RTTN: variants seen among roughly 807,000 people sequenced by gnomAD.
RTTN encodes the protein rotatin.
RTTN carries 182 observed loss-of-function variants against 269.2 expected under a neutral mutation model. That is an observed-to-expected ratio of 0.68 (90% CI 0.60 to 0.76). The LOEUF is 0.76. Ranked by LOEUF, RTTN falls within the 30% of genes least tolerant of loss-of-function variation. The probability of loss-of-function intolerance (pLI) is 0.00; values close to 1 mark genes in which losing one functional copy is unlikely to be tolerated. For synonymous variants in RTTN, 1,006 were observed against 963.5 expected (o/e 1.04, Z -0.82); for missense variants, 2,545 against 2,608.6 (o/e 0.98, Z 0.53).
chr18:70,197,053 T>C (rs1435101267), intron 6 of RTTN, among the ~76,000 whole-genome samples: 17 of 152,166 alleles, frequency 1.1e-4, no homozygotes, highest in Admixed American at 1.1e-3. Context: ...TCTGCGATCA[T>C]TTGCCAGCTT....
At position 70,193,273 on chromosome 18, in the gene RTTN, A is replaced by G. The variant is rs375173697; in HGVS notation, c.1007+15T>C. ...CGGCATTTCTCATTTCCCCAGAGAC[A>G]CTGCTAGCAGTCACCTAGAGGACGC... On this transcript the variant is annotated intron_variant, in intron 8 of 48. Coordinates refer to ENST00000640769, the MANE Select transcript of RTTN (RefSeq NM_173630.4). The G allele has an allele frequency of 6.3e-7, 1 of 1,597,214 alleles. No individual in the cohort carries two copies. The highest frequency in any genetic ancestry group is 1.4e-5 in the African/African-American group (1 of 73,418).
At chr18:70,195,852 A>C (rs946371012) in intron 7 of RTTN, among the ~76,000 whole-genome samples, 1 of 152,218 alleles carries the variant, frequency 6.6e-6, no homozygotes, top group African/African-American at 2.4e-5. Flanking sequence ...ACCAAGGTAA[A>C]GCATAAATAT....
At chr18:70,019,748 T>C (rs1474060480) in intron 45 of RTTN, 3 of 152,228 alleles carry the variant, frequency 2.0e-5, no homozygotes, top group African/African-American at 7.2e-5. Context: ...AACGTGCCAC[T>C]GAAAACATCT....
At position 70,157,050 on chromosome 18, in the gene RTTN, G is replaced by A. The variant is rs188260965; in HGVS notation, c.1930-6317C>T. 1.4e-3 allele frequency among the ~76,000 whole-genome samples: 220 copies of A among 152,210 alleles called. 3 individuals are homozygous for A. Among genetic ancestry groups the A allele is most frequent in the African/African-American group, 4.2e-3 (174 of 41,524 alleles). On this transcript the variant is annotated intron_variant, in intron 14 of 48. Coordinates refer to ENST00000640769, the MANE Select transcript of RTTN (RefSeq NM_173630.4). ...ACAGCCTCTGCCTTCCTGTCAGAGC[G>A]CTTTTGCAAGCACACACCCACCCAC...
chr18:70,047,923 T>G, intron 40 of RTTN, 48 bp downstream of exon 40: 1 of 1,460,318 alleles, frequency 6.8e-7, no homozygotes, highest in Non-Finnish European at 9.5e-7. Flanking sequence ...GAAAGTCAAT[T>G]TATTTAAACG....
rs1381310723 is a variant in RTTN at position 70,166,167 on chromosome 18, A to T, written c.1824T>A (p.Ser608Arg). ...CSKIWKSAQA[S>R]PLLQGESQKV... ...TCTGACTTTCTCCTTGTAGTAATGG[A>T]CTGGCCTGAGCAGATTTCCAGCTGG... The change falls in exon 14 of 49, where the codon AGT becomes AGA. Residue 608 changes from serine (S) to arginine (R), a missense_variant. By Grantham distance (110) the Ser-to-Arg change is moderately radical (BLOSUM62 -1). Transcript: ENST00000640769. The T allele has an allele frequency of 1.2e-6, 2 of 1,613,130 alleles. No individual in the cohort carries two copies. The highest frequency in any genetic ancestry group is 2.7e-5 in the African/African-American group (2 of 74,914).
At chr18:70,151,236 T>C (rs1185818124) in intron 14 of RTTN, among the ~76,000 whole-genome samples, 4 of 148,266 alleles carry the variant, frequency 2.7e-5, no homozygotes, top group Non-Finnish European at 5.9e-5. Context: ...ATGCTACATA[T>C]TTATGTCCTA....
intron 35 of RTTN, among the ~76,000 whole-genome samples, chr18:70,062,761 G>A (rs756291212): frequency 1.3e-4 from 20 of 151,912 alleles, no homozygotes; most frequent in Non-Finnish European, 1.5e-5. Context: ...ACAGGTGTGT[G>A]CCACCATGCC....
chr18:70,036,897 G>A (rs2057190798), intron 40 of RTTN, among the ~76,000 whole-genome samples: 2 of 152,180 alleles, frequency 1.3e-5, no homozygotes, highest in Non-Finnish European at 2.9e-5. Context: ...AAGTGTCGGA[G>A]ATATAGTCTT....
intron 26 of RTTN, among the ~76,000 whole-genome samples, chr18:70,120,209 T>C (rs1359721614): frequency 1.4e-5 from 1 of 71,238 alleles, no homozygotes; most frequent in African/African-American, 3.0e-5. Flanking sequence ...ATACCCTGCA[T>C]CACCTCGGGA....
intron 44 of RTTN, 70 bp downstream of exon 44, chr18:70,024,652 T>C: frequency 7.2e-7 from 1 of 1,395,178 alleles, no homozygotes; most frequent in Non-Finnish European, 1.0e-6. Context: ...GTTTTTCCAG[T>C]CCACCTTAAC....
chr18:70,196,613 A>T lies in RTTN; in HGVS notation c.729T>A (p.Asp243Glu), dbSNP rs772941230. 8.1e-7 allele frequency: 1 copy of T among 1,241,674 alleles called. No homozygotes were observed. Among genetic ancestry groups the T allele is most frequent in the Admixed American group, 2.3e-5 (1 of 43,998 alleles). 76.9% of individuals were successfully genotyped at this position (1,241,674 alleles called of 1,614,324 possible). ...LLSLLKLAFG[D>E]GKHRLALQSV... Reference sequence around the variant, plus strand: ...ACTGTAATGCCAGGCGATGCTTTCCATCTCCAAAGGCCAGTTTCAACAGAG... The same window carrying T: ...ACTGTAATGCCAGGCGATGCTTTCCTTCTCCAAAGGCCAGTTTCAACAGAG... Residue 243 changes from aspartate to glutamate, a missense_variant, in exon 7 of 49, where the codon GAT becomes GAA. Transcript: ENST00000640769.
rs556428376 is a variant in RTTN at position 70,070,494 on chromosome 18, T to C, written c.4653+3412A>G. ...CTTGGATCCATCCCTGCTTAAACTA[T>C]CCTCTGTCTACTCTTCCTTCTATAA... On this transcript the variant is annotated intron_variant, in intron 34 of 48. Transcript: ENST00000640769. 4.6e-5 allele frequency among the ~76,000 whole-genome samples: 7 copies of C among 152,342 alleles called. No homozygotes were observed. The South Asian group carries it at 1.4e-3, about 32-fold the overall frequency.
chr18:70,068,172 C>T (rs1343847404), intron 34 of RTTN, among the ~76,000 whole-genome samples: 1 of 152,160 alleles, frequency 6.6e-6, no homozygotes, highest in Non-Finnish European at 1.5e-5. Context: ...ATATAATCTC[C>T]AATCGATAGT....
intron 14 of RTTN, 67 bp downstream of exon 14, chr18:70,165,995 G>C (rs2145904289): frequency 1.3e-6 from 2 of 1,496,994 alleles, no homozygotes; most frequent in East Asian, 4.7e-5. Flanking sequence ...AATTAAGTTT[G>C]AAGGTATAAC....
At chr18:70,108,393 A>G (rs1351978556) in intron 28 of RTTN, among the ~76,000 whole-genome samples, 2 of 152,336 alleles carry the variant, frequency 1.3e-5, no homozygotes, top group African/African-American at 2.4e-5. Flanking sequence ...AATCACACCA[A>G]TGCAAATCAG....
At chr18:70,080,612 T>G (rs1480289093) in intron 32 of RTTN, among the ~76,000 whole-genome samples, 2 of 152,136 alleles carry the variant, frequency 1.3e-5, no homozygotes. Context: ...CAGTAGCATG[T>G]AATAAACATA....
intron 46 of RTTN, among the ~76,000 whole-genome samples, chr18:70,015,565 G>C (rs931985529): frequency 6.6e-6 from 1 of 152,130 alleles, no homozygotes; most frequent in African/African-American, 2.4e-5. Context: ...GTTCCACACA[G>C]AAACTGCACA....
At chr18:70,168,408 A>G (rs963833844) in intron 12 of RTTN, among the ~76,000 whole-genome samples, 6 of 152,202 alleles carry the variant, frequency 3.9e-5, no homozygotes, top group African/African-American at 1.4e-4. Context: ...GTAGTTCATC[A>G]CTGTACTTAA....
Sources: gnomAD v4.1 joint callset for allele counts (sites outside exome capture counted in the v4.1 genomes callset) on GRCh38, gnomAD v4.1.1 for gene constraint, MANE v1.5 for transcripts, NCBI Gene and HGNC (gene_info 2026-07-23, HGNC 2026-07-21) for gene names.